MGAT4C: variants seen among roughly 807,000 people sequenced by gnomAD.
MGAT4C encodes alpha-1,3-mannosyl-glycoprotein 4-beta-N-acetylglucosaminyltransferase C.
In MGAT4C, 19 loss-of-function variants were observed where a neutral mutation model predicts 40.1. That is an observed-to-expected ratio of 0.47 (90% CI 0.33 to 0.70). The LOEUF is 0.70. Among genes scored for constraint, MGAT4C ranks in the 30% least tolerant of loss-of-function variants. The pLI is 0.02. For missense variants in MGAT4C, 491 were observed against 563.2 expected (o/e 0.87, Z 1.30); for synonymous variants, 181 against 187.1 (o/e 0.97, Z 0.27).
chr12:86,636,866 T>C (rs1363522061), intron 2 of MGAT4C, among the ~76,000 whole-genome samples: 2 of 152,008 alleles, frequency 1.3e-5, no homozygotes, highest in Non-Finnish European at 1.5e-5. Flanking sequence ...GTCAATATTA[T>C]AAAAATATTT....
Position 86,479,492 on chromosome 12 carries a change from A to G in MGAT4C, c.-228-44227T>C, listed in dbSNP as rs188708770. ...TATTTAGAAGAGTTAGGGTGGTCAAACTCTAAAAAGATTCACATTGAAATA... is the reference window on the plus strand; with the variant it reads ...TATTTAGAAGAGTTAGGGTGGTCAAGCTCTAAAAAGATTCACATTGAAATA... On this transcript the variant is annotated intron_variant, in intron 2 of 7. Coordinates refer to the MGAT4C transcript ENST00000548651. Among the ~76,000 whole-genome samples, 170 of 151,992 alleles carry G rather than the reference A, an allele frequency of 1.1e-3. 1 individual carries two copies. The highest frequency in any genetic ancestry group is 1.0e-3 in the Non-Finnish European group (69 of 67,840).
chr12:86,624,421 C>T (rs930029422), intron 2 of MGAT4C, among the ~76,000 whole-genome samples: 1 of 152,052 alleles, frequency 6.6e-6, no homozygotes, highest in Non-Finnish European at 1.5e-5. Flanking sequence ...AAACTTGCCC[C>T]AACATACAAA....
chr12:86,543,867 T>C (rs1404327748), intron 2 of MGAT4C, among the ~76,000 whole-genome samples: 2 of 152,158 alleles, frequency 1.3e-5, no homozygotes, highest in Non-Finnish European at 2.9e-5. Context: ...GTGGTGGCTT[T>C]ACTGGGGCCT....
intron 2 of MGAT4C, among the ~76,000 whole-genome samples, chr12:86,689,425 G>A (rs1313930730): frequency 6.6e-6 from 1 of 151,954 alleles, no homozygotes. Flanking sequence ...GGGCATTCTT[G>A]TTTTTTCCTC....
At chr12:86,832,612 T>G (rs1238774169) in intron 1 of MGAT4C, among the ~76,000 whole-genome samples, 1 of 151,838 alleles carries the variant, frequency 6.6e-6, no homozygotes, top group Non-Finnish European at 1.5e-5. Flanking sequence ...TACAGTGCTA[T>G]GTAATAGATA....
intron 1 of MGAT4C, among the ~76,000 whole-genome samples, chr12:86,775,892 A>G (rs191705176): frequency 1.3e-5 from 2 of 151,752 alleles, no homozygotes; most frequent in African/African-American, 2.4e-5. Context: ...GTCATTATCA[A>G]TCATAGGATT....
At chr12:86,177,331 A>T (rs1385695896) in intron 1 of MGAT4C, among the ~76,000 whole-genome samples, 2 of 152,174 alleles carry the variant, frequency 1.3e-5, no homozygotes, top group Non-Finnish European at 2.9e-5. Context: ...GATATTTCTA[A>T]AGATGTATGA....
chr12:86,385,391 T>G (rs1415829456), intron 3 of MGAT4C, among the ~76,000 whole-genome samples: 1 of 152,188 alleles, frequency 6.6e-6, no homozygotes, highest in Non-Finnish European at 1.5e-5. Context: ...CTTTTATTAT[T>G]AAATGTCATT....
chr12:86,421,654 T>C (rs924598594), intron 3 of MGAT4C, among the ~76,000 whole-genome samples: 3 of 152,052 alleles, frequency 2.0e-5, no homozygotes, highest in African/African-American at 7.2e-5. Flanking sequence ...CAGGCGCTTA[T>C]TATCCAAGTC....
intron 1 of MGAT4C, among the ~76,000 whole-genome samples, chr12:86,130,895 T>C (rs1881075230): frequency 6.6e-6 from 1 of 152,068 alleles, no homozygotes; most frequent in Non-Finnish European, 1.5e-5. Flanking sequence ...TTATTTTTAC[T>C]CTCACCACCA....
chr12:86,727,987 G>T (rs948176918), intron 1 of MGAT4C, among the ~76,000 whole-genome samples: 8 of 152,072 alleles, frequency 5.3e-5, no homozygotes, highest in African/African-American at 1.9e-4. Flanking sequence ...ACTTAGTTGT[G>T]ATGTACTAGA....
At chr12:86,100,551 T>TA (rs954132726) in intron 1 of MGAT4C, among the ~76,000 whole-genome samples, 1 of 151,434 alleles carries the variant, frequency 6.6e-6, no homozygotes, top group Non-Finnish European at 1.5e-5. Context: ...ATTTGTTAAT[T>TA]AAAAAAATAT....
intron 1 of MGAT4C, among the ~76,000 whole-genome samples, chr12:86,823,718 A>T (rs11104115): frequency 0.097 from 14,628 of 151,536 alleles, 977 homozygotes; most frequent in Non-Finnish European, 0.14. Flanking sequence ...GAAGCAAAAA[A>T]TAGTCAAAAG....
chr12:86,592,189 T>C (rs1172226008), intron 2 of MGAT4C, among the ~76,000 whole-genome samples: 1 of 152,110 alleles, frequency 6.6e-6, no homozygotes, highest in Admixed American at 6.6e-5. Context: ...CCAAATCAAG[T>C]ATGGACTTGG....
rs57438715 is a variant in MGAT4C, at chr12:86,602,919, G to T, written c.-229+124290C>A. Among the ~76,000 whole-genome samples, 547 of 148,626 alleles carry T rather than the reference G, an allele frequency of 3.7e-3. 3 individuals are homozygous for T. Among genetic ancestry groups the T allele is most frequent in the African/African-American group, 0.014 (533 of 39,244 alleles). On this transcript the variant is annotated intron_variant, in intron 2 of 7. Transcript: ENST00000548651. ...GTGTGTGTGTGTGTGTGTGTAAAAT[G>T]TATCATTTAGCCTTAAAAAGAAGGA...
intron 1 of MGAT4C, among the ~76,000 whole-genome samples, chr12:86,113,843 GA>G (rs1877878860): frequency 6.6e-6 from 1 of 151,756 alleles, no homozygotes; most frequent in Non-Finnish European, 1.5e-5. Context: ...TGAAAATAAC[GA>G]AACAAAACAG....
chr12:86,683,739 C>T (rs931539041), intron 2 of MGAT4C, among the ~76,000 whole-genome samples: 9 of 152,148 alleles, frequency 5.9e-5, no homozygotes, highest in African/African-American at 9.7e-5. Context: ...ACGTTTTTTT[C>T]TCCTAAAGCT....
At chr12:86,448,949 T>A (rs919836285) in intron 2 of MGAT4C, among the ~76,000 whole-genome samples, 22 of 152,204 alleles carry the variant, frequency 1.4e-4, no homozygotes, top group Non-Finnish European at 2.4e-4. Context: ...TTCAGATCTT[T>A]ATCATTGAGG....
rs12231152 is a variant in MGAT4C at position 86,566,566 on chromosome 12, A to G, written c.-228-131301T>C. 3.7e-4 allele frequency among the ~76,000 whole-genome samples: 46 copies of G among 122,934 alleles called. No individual in the cohort carries two copies. The East Asian group carries it at 4.3e-3, about 12-fold the overall frequency. 80.6% of individuals were successfully genotyped at this position (122,934 alleles called of 152,430 possible). A position where few individuals can be genotyped will look rare whatever the true frequency, so the allele number is the denominator to read the frequency against. On this transcript the variant is annotated intron_variant, in intron 2 of 7. Transcript: ENST00000548651. ...TATATATATATATATATATATATAT[A>G]TATATATATGTATATGTATATATAT...
Sources: allele counts gnomAD v4.1 joint callset (sites outside exome capture counted in the v4.1 genomes callset), GRCh38; gene constraint gnomAD v4.1.1; transcripts MANE v1.5; gene names NCBI Gene and HGNC (gene_info 2026-07-23, HGNC 2026-07-21).